Variants in CPEB3 observed in about 807,000 individuals in gnomAD.
The protein encoded by CPEB3 is cytoplasmic polyadenylation element binding protein 3.
Under a neutral mutation model 67.2 loss-of-function variants are expected in CPEB3, and 20 were observed. The ratio of observed to expected loss-of-function variants is 0.30; its 90% CI spans 0.21 to 0.43. CPEB3 has a LOEUF of 0.43. CPEB3 is among the 20% of genes least tolerant of loss of function. The pLI is 1.00. For synonymous variants in CPEB3, 376 were observed against 393.1 expected (o/e 0.96, Z 0.51); for missense variants, 746 against 968.6 (o/e 0.77, Z 3.05).
At chr10:92,162,583 A>T (rs904986177) in intron 4 of CPEB3, among the ~76,000 whole-genome samples, 2 of 152,218 alleles carry the variant, frequency 1.3e-5, no homozygotes, top group African/African-American at 4.8e-5. Flanking sequence ...TTTCCAATCC[A>T]TCAGAATAAA....
At chr10:92,183,310 G>A (rs1379683246) in intron 3 of CPEB3, among the ~76,000 whole-genome samples, 2 of 152,038 alleles carry the variant, frequency 1.3e-5, no homozygotes, top group East Asian at 3.9e-4. Context: ...TGTTCTACGT[G>A]CCTTACGTTT....
At chr10:92,287,202 C>T (rs1320367067) in intron 1 of CPEB3, among the ~76,000 whole-genome samples, 3 of 151,330 alleles carry the variant, frequency 2.0e-5, no homozygotes, top group Non-Finnish European at 4.4e-5. Flanking sequence ...GATCTCAGCT[C>T]ATTGCAACCT....
At chr10:92,198,601 A>G (rs1163865058) in intron 2 of CPEB3, among the ~76,000 whole-genome samples, 2 of 152,218 alleles carry the variant, frequency 1.3e-5, no homozygotes, top group African/African-American at 2.4e-5. Context: ...GGCCAACAGC[A>G]TCTGGGGATA....
intron 6 of CPEB3, among the ~76,000 whole-genome samples, chr10:92,130,573 T>A (rs1481937984): frequency 1.3e-5 from 2 of 152,036 alleles, no homozygotes; most frequent in Non-Finnish European, 2.9e-5. Context: ...GAAGTCTGCA[T>A]GGCCTCCCAC....
rs1841863178 is a variant in CPEB3, at chr10:92,050,502, G to A, written c.*1710C>T. 6.6e-6 allele frequency: 1 copy of A among 152,590 alleles called. No individual in the cohort carries two copies. The highest frequency in any genetic ancestry group is 2.1e-4 in the South Asian group (1 of 4,828). 9.5% of individuals were successfully genotyped at this position (152,590 alleles called of 1,614,324 possible). A position where few individuals can be genotyped will look rare whatever the true frequency, so the allele number is the denominator to read the frequency against. On this transcript the variant is annotated 3_prime_UTR_variant, in exon 10 of 10. Transcript: ENST00000265997. ...AGAAGATTAAAAAAAGATTTACATA[G>A]TCTTGCAATCATTGTGTGTGTTTAT...
chr10:92,063,505 C>G (rs943760782), intron 9 of CPEB3, among the ~76,000 whole-genome samples: 1 of 152,218 alleles, frequency 6.6e-6, no homozygotes, highest in African/African-American at 2.4e-5. Flanking sequence ...TGGCTCACGC[C>G]TGTAATCCCA....
At chr10:92,106,837 A>G (rs1161734222) in intron 7 of CPEB3, among the ~76,000 whole-genome samples, 88 of 136,776 alleles carry the variant, frequency 6.4e-4, no homozygotes, top group Middle Eastern at 3.7e-3. Context: ...AAAAAAAAAA[A>G]AAAGAAAGAA....
At chr10:92,074,145 T>C (rs943550653) in intron 9 of CPEB3, among the ~76,000 whole-genome samples, 1 of 151,992 alleles carries the variant, frequency 6.6e-6, no homozygotes, top group Non-Finnish European at 1.5e-5. Flanking sequence ...GAGATCTCGC[T>C]ACATTGCCCA....
chr10:92,094,442 G>A (rs701844), intron 7 of CPEB3, among the ~76,000 whole-genome samples: 98,193 of 151,512 alleles, frequency 0.65, 33,702 homozygotes, highest in African/African-American at 0.88. Context: ...TTCTACTAAA[G>A]ATACGAAAAA....
At chr10:92,285,508 T>C (rs1201933565) in intron 1 of CPEB3, among the ~76,000 whole-genome samples, 1 of 152,156 alleles carries the variant, frequency 6.6e-6, no homozygotes, top group Admixed American at 6.6e-5. Context: ...TGACCTCAAG[T>C]GATTTGCCCG....
chr10:92,188,920 G>A (rs1017950018), intron 3 of CPEB3, among the ~76,000 whole-genome samples: 1 of 152,062 alleles, frequency 6.6e-6, no homozygotes, highest in African/African-American at 2.4e-5. Context: ...TTCAAGGCTG[G>A]TAAACTGAAT....
At chr10:92,289,570 GAATT>G (rs1296847589) in intron 1 of CPEB3, among the ~76,000 whole-genome samples, 2 of 150,730 alleles carry the variant, frequency 1.3e-5, no homozygotes, top group African/African-American at 2.4e-5. Context: ...TTAAATAAAT[GAATT>G]AATTAAATAA....
intron 7 of CPEB3, among the ~76,000 whole-genome samples, chr10:92,094,016 G>A (rs1843738155): frequency 6.6e-6 from 1 of 151,902 alleles, no homozygotes; most frequent in Admixed American, 6.6e-5. Context: ...CACCACACCT[G>A]GGTAATTTTT....
chr10:92,129,687 G>A (rs1248853497), intron 6 of CPEB3, among the ~76,000 whole-genome samples: 6 of 151,868 alleles, frequency 4.0e-5, no homozygotes, highest in South Asian at 4.2e-4. Context: ...ACTCTCTCTG[G>A]GAGACTAGAT....
chr10:92,270,850 G>A (rs748476906), intron 1 of CPEB3, among the ~76,000 whole-genome samples: 7 of 151,922 alleles, frequency 4.6e-5, no homozygotes, highest in Admixed American at 6.6e-5. Context: ...GATTACAGGC[G>A]TGCACCACCG....
chr10:92,129,145 G>A (rs1291494592), intron 6 of CPEB3, among the ~76,000 whole-genome samples: 1 of 152,206 alleles, frequency 6.6e-6, no homozygotes. Flanking sequence ...ATATACCATG[G>A]AATAGTACGC....
intron 3 of CPEB3, among the ~76,000 whole-genome samples, chr10:92,188,823 G>A (rs994423105): frequency 9.9e-5 from 15 of 152,278 alleles, no homozygotes; most frequent in Middle Eastern, 3.4e-3. Flanking sequence ...AGTGTGCTGT[G>A]AAGAAAGTTC....
intron 1 of CPEB3, among the ~76,000 whole-genome samples, chr10:92,289,732 A>AAAAAAATATATATAT: frequency 1.3e-5 from 1 of 75,772 alleles, no homozygotes; most frequent in Non-Finnish European, 2.6e-5. Flanking sequence ...AAAAAAAAAA[A>AAAAAAATATATATAT]ATATATATAT....
intron 3 of CPEB3, among the ~76,000 whole-genome samples, chr10:92,182,207 G>T (rs944153399): frequency 6.6e-6 from 1 of 152,104 alleles, no homozygotes; most frequent in Non-Finnish European, 1.5e-5. Flanking sequence ...ACAGTATTTT[G>T]CGGAGAAAGT....
Sources: allele counts gnomAD v4.1 joint callset (sites outside exome capture counted in the v4.1 genomes callset), GRCh38; gene constraint gnomAD v4.1.1; transcripts MANE v1.5; gene names NCBI Gene and HGNC (gene_info 2026-07-23, HGNC 2026-07-21).